CRLF2: variants seen among roughly 807,000 people sequenced by gnomAD.
CRLF2 encodes cytokine receptor-like factor 2.
In CRLF2, 41 loss-of-function variants were observed where a neutral mutation model predicts 38.7. The observed-to-expected ratio is 1.06, with a 90% confidence interval of 0.83 to 1.37. The LOEUF (loss-of-function observed/expected upper bound fraction) is 1.37. Among genes scored for constraint, CRLF2 ranks in the 40% most tolerant of loss-of-function variants. The pLI is 0.00. For synonymous variants in CRLF2, 140 were observed against 128.8 expected (o/e 1.09, Z -0.59); for missense variants, 377 against 322.2 (o/e 1.17, Z -1.30).
intron 5 of CRLF2, among the ~76,000 whole-genome samples, chrX:1,197,869 C>T (rs1162272819): frequency 1.7e-4 from 26 of 150,974 alleles, no homozygotes; most frequent in Admixed American, 5.3e-4. Flanking sequence ...GGTGTGGTGG[C>T]GTGTACACTG....
At chrX:1,209,062 G>T (rs1292599194) in intron 1 of CRLF2, among the ~76,000 whole-genome samples, 154 bp from the exon 2 acceptor site, 2 of 151,812 alleles carry the variant, frequency 1.3e-5, no homozygotes, top group Non-Finnish European at 2.9e-5. Context: ...CCGCCTCCCG[G>T]GTTCAAGCGA....
chrX:1,191,821 G>A (rs1218116039), intron 7 of CRLF2, among the ~76,000 whole-genome samples: 8 of 150,802 alleles, frequency 5.3e-5, no homozygotes, highest in Admixed American at 1.3e-4. Flanking sequence ...GCGAGCCACC[G>A]TGCCTGGCCC....
Position 1,191,122 on chromosome X carries a change from G to T in CRLF2, c.891C>A (p.His297Gln), listed in dbSNP as rs2086365872. The T allele has an allele frequency of 2.5e-6, 1 of 398,516 alleles. No individual in the cohort carries two copies. Among genetic ancestry groups the T allele is most frequent in the African/African-American group, 2.1e-5 (1 of 48,614 alleles). The allele number at this position is 398,516 out of a possible 1,614,324, so 24.7% of individuals were successfully genotyped here. A position where few individuals can be genotyped will look rare whatever the true frequency, so the allele number is the denominator to read the frequency against. The change falls in exon 8 of 8, where the codon CAC becomes CAA. Residue 297 changes from histidine to glutamine, a missense_variant. Transcript: ENST00000400841. ...ITDTQNVAHLHKMAGAEQESG... is the reference protein window; with the variant it reads ...ITDTQNVAHLQKMAGAEQESG... ...TTTCTTGCTCTGCACCTGCCATCTTGTGGAGGTGGGCCACGTTCTGGGTGT... is the reference window on the plus strand; with the variant it reads ...TTTCTTGCTCTGCACCTGCCATCTTTTGGAGGTGGGCCACGTTCTGGGTGT...
At position 1,191,871 on chromosome X, in the gene CRLF2, C is replaced by G. The variant is rs1209036776; in HGVS notation, c.853-711G>C. 7.6e-4 allele frequency among the ~76,000 whole-genome samples: 116 copies of G among 152,168 alleles called. 1 individual carries two copies. The highest frequency in any genetic ancestry group is 2.7e-3 in the South Asian group (13 of 4,812). ...CTAAGCCCTCCAACAGACTGACGGA[C>G]TCTCCAGTCAGCCAAGGTGATTCCA... On this transcript the variant is annotated intron_variant, in intron 7 of 7. Coordinates refer to ENST00000400841, the MANE Select transcript of CRLF2 (RefSeq NM_022148.4).
chrX:1,197,033 G>A (rs1421851811), intron 5 of CRLF2, 133 bp from the exon 6 acceptor site: 124 of 671,246 alleles, frequency 1.8e-4, no homozygotes, highest in Middle Eastern at 9.1e-4. Flanking sequence ...CTTGGTTCTC[G>A]TTGTTTGTTT....
chrX:1,198,698 G>A lies in CRLF2; in HGVS notation c.510C>T (p.Val170=), dbSNP rs771752894. 22 of 1,612,170 alleles carry A rather than the reference G, an allele frequency of 1.4e-5. No individual in the cohort carries two copies. The South Asian group carries it at 2.3e-4, about 17-fold the overall frequency. The change falls in exon 5 of 8, where the codon GTC becomes GTT. Residue 170 remains valine, a synonymous_variant. Coordinates refer to ENST00000400841, the MANE Select transcript of CRLF2 (RefSeq NM_022148.4). Reference sequence around the variant, plus strand: ...TCTCGGCATCCAAGCCTTCTATGGTGACGTTGCAGGTATTTTCCTGTTTGG... The same window carrying A: ...TCTCGGCATCCAAGCCTTCTATGGTAACGTTGCAGGTATTTTCCTGTTTGG... ...WQSKQENTCN[V]TIEGLDAEKC...
chrX:1,206,345 G>T (rs1231522656), intron 3 of CRLF2, 88 bp downstream of exon 3: 8 of 1,176,952 alleles, frequency 6.8e-6, no homozygotes, highest in Admixed American at 1.8e-5. Flanking sequence ...TGGATCCGGC[G>T]ATTTGCATGA....
chrX:1,211,167 G>A (rs1404346993), intron 1 of CRLF2, among the ~76,000 whole-genome samples: 39 of 103,734 alleles, frequency 3.8e-4, no homozygotes, highest in South Asian at 1.1e-3. Context: ...ATACATAGGT[G>A]AATGGATGGA....
chrX:1,206,010 C>T (rs1435626891), intron 3 of CRLF2, among the ~76,000 whole-genome samples: 22 of 151,548 alleles, frequency 1.5e-4, no homozygotes, highest in Admixed American at 2.0e-4. Flanking sequence ...TCAGTGGTTA[C>T]GGTAATCATT....
chrX:1,196,105 T>C (rs1192895426), intron 6 of CRLF2, among the ~76,000 whole-genome samples: 3 of 149,102 alleles, frequency 2.0e-5, no homozygotes, highest in Non-Finnish European at 1.5e-5. Flanking sequence ...GGTCTCGAAC[T>C]CCTGACCTCA....
chrX:1,192,176 G>A (rs1429690753), intron 7 of CRLF2, among the ~76,000 whole-genome samples: 1 of 136,404 alleles, frequency 7.3e-6, no homozygotes, highest in East Asian at 2.4e-4. Flanking sequence ...CTGCACTCCA[G>A]CCTGGGCGAC....
At chrX:1,201,649 T>TTAGA (rs200832451) in intron 4 of CRLF2, among the ~76,000 whole-genome samples, 30,680 of 141,760 alleles carry the variant, frequency 0.22, 3,658 homozygotes, top group African/African-American at 0.35. Flanking sequence ...AGATGATACA[T>TTAGA]TAGATAGAGA....
chrX:1,190,829 G>C lies in CRLF2; in HGVS notation c.*68C>G. 1 of 398,410 alleles carries C rather than the reference G, an allele frequency of 2.5e-6. No homozygotes were observed. The highest frequency in any genetic ancestry group is 2.1e-5 in the African/African-American group (1 of 48,696). The allele number at this position is 398,410 out of a possible 1,614,324, so 24.7% of individuals were successfully genotyped here. Reference sequence around the variant, plus strand: ...CCATCCATGGTGGTGTGGAGTCCCCGGGACAGTCCCCTCTGTCTTTAAATG... The same window carrying C: ...CCATCCATGGTGGTGTGGAGTCCCCCGGACAGTCCCCTCTGTCTTTAAATG... On this transcript the variant is annotated 3_prime_UTR_variant, in exon 8 of 8. Transcript: ENST00000400841.
chrX:1,204,096 A>AAAAAAGAGAG lies in CRLF2; in HGVS notation c.350-1562_350-1561insCTCTCTTTTT, dbSNP rs370190016. Among the ~76,000 whole-genome samples the AAAAAAGAGAG allele has an allele frequency of 1.5e-5, 2 of 133,442 alleles. 1 individual carries two copies. Among genetic ancestry groups the AAAAAAGAGAG allele is most frequent in the Non-Finnish European group, 3.1e-5 (2 of 64,338 alleles). 87.5% of individuals were successfully genotyped at this position (133,442 alleles called of 152,430 possible). A position where few individuals can be genotyped will look rare whatever the true frequency, so the allele number is the denominator to read the frequency against. The stretch of plus-strand genomic sequence containing the variant: ...GAGCAAGACCCTCTCTCTCAAAAAA[A>AAAAAAGAGAG]AGAGAGAACATCCAGTGAGTGGGAT... On this transcript the variant is annotated intron_variant, in intron 3 of 7. Coordinates refer to ENST00000400841, the MANE Select transcript of CRLF2 (RefSeq NM_022148.4).
At chrX:1,198,766 CA>C in intron 4 of CRLF2, 42 bp from the exon 5 acceptor site, 3 of 1,373,428 alleles carry the variant, frequency 2.2e-6, no homozygotes, top group Non-Finnish European at 3.1e-6. Flanking sequence ...CACACACACA[CA>C]CACACACACA....
At position 1,212,568 on chromosome X, in the gene CRLF2, G is replaced by A. The variant is rs757775639; in HGVS notation, c.67C>T (p.Gln23Ter). The A allele has an allele frequency of 6.2e-7, 1 of 1,611,830 alleles. No homozygotes were observed. Among genetic ancestry groups the A allele is most frequent in the East Asian group, 2.2e-5 (1 of 44,782 alleles). ...TTTAAATAATTACCTGCTCCTCCTT[G>A]CCCCAAAGCCATCCAGCCTCCCAGC... is the stretch of plus-strand genomic sequence containing the variant. The part of the protein sequence containing the change: ...FLLGGWMALG[Q>*]GGAAEGVQIQ... The change falls in exon 1 of 8, where the codon CAA becomes TAA. Residue 23 changes from glutamine to a stop codon, truncating the protein, a stop_gained. Coordinates refer to ENST00000400841, the MANE Select transcript of CRLF2 (RefSeq NM_022148.4). LOFTEE classifies it high-confidence loss of function.
At chrX:1,211,245 GTGGATGGATGGGTGGATGGATGGATGGA>G (rs1369960830) in intron 1 of CRLF2, among the ~76,000 whole-genome samples, 2 of 141,948 alleles carry the variant, frequency 1.4e-5, no homozygotes, top group African/African-American at 5.3e-5. Context: ...GGGTGGGTGG[GTGGATGGATGGGTGGATGGATGGATGGA>G]TGGATGGATG....
At chrX:1,209,074 T>C (rs2086742294) in intron 1 of CRLF2, among the ~76,000 whole-genome samples, 166 bp from the exon 2 acceptor site, 1 of 151,516 alleles carries the variant, frequency 6.6e-6, no homozygotes. Context: ...TTCAAGCGAT[T>C]CCCCTGCCTC....
At chrX:1,198,767 AC>A in intron 4 of CRLF2, 43 bp from the exon 5 acceptor site, 1 of 1,403,412 alleles carries the variant, frequency 7.1e-7, no homozygotes, top group Non-Finnish European at 9.9e-7. Flanking sequence ...ACACACACAC[AC>A]ACACACACAC....
Sources: gnomAD v4.1 joint callset for allele counts (sites outside exome capture counted in the v4.1 genomes callset) on GRCh38, gnomAD v4.1.1 for gene constraint, MANE v1.5 for transcripts, NCBI Gene and HGNC (gene_info 2026-07-23, HGNC 2026-07-21) for gene names.